BCOR: variants seen among roughly 807,000 people sequenced by gnomAD.
BCOR encodes BCL6 corepressor.
In BCOR, 10 loss-of-function variants were observed where a neutral mutation model predicts 86.7. The ratio of observed to expected loss-of-function variants is 0.12; its 90% CI spans 0.07 to 0.20. The LOEUF (loss-of-function observed/expected upper bound fraction) is 0.20, where lower values mean the gene tolerates loss of function less well. BCOR is among the 10% of genes least tolerant of loss of function. BCOR has a pLI of 1.00. For missense variants in BCOR, 1,259 were observed against 1,452.1 expected (o/e 0.87, Z 2.16); for synonymous variants, 611 against 609.0 (o/e 1.00, Z -0.05).
Position 40,074,881 on chromosome X carries a change from T to C in BCOR, c.465A>G (p.Ile155Met), listed in dbSNP as rs776681777. The change falls in exon 4 of 15, where the codon ATA becomes ATG. Residue 155 changes from isoleucine (I) to methionine (M), a missense_variant. Physicochemically the swap from Ile to Met is conservative, Grantham distance 10. Transcript: ENST00000378444. ...FSAIYKTPPGIQKSAVATAEA... is the reference protein window; with the variant it reads ...FSAIYKTPPGMQKSAVATAEA... ...CTGCTGTGGCTACAGCACTTTTTTG[T>C]ATTCCAGGCGGTGTTTTGTATATAG... 13 of 1,211,254 alleles carry C rather than the reference T, an allele frequency of 1.1e-5. No homozygotes were observed. Among genetic ancestry groups the C allele is most frequent in the Non-Finnish European group, 1.2e-5 (11 of 895,402 alleles).
chrX:40,156,189 TG>T (rs773367186), intron 1 of BCOR, among the ~76,000 whole-genome samples: 2 of 112,244 alleles, frequency 1.8e-5, no homozygotes. Context: ...GGCGATGGGT[TG>T]GGGGGAAGGG....
intron 1 of BCOR, among the ~76,000 whole-genome samples, chrX:40,086,582 T>C (rs778593566): frequency 8.8e-6 from 1 of 113,441 alleles, no homozygotes; most frequent in Non-Finnish European, 1.9e-5. Flanking sequence ...GCCGTGGAGC[T>C]TTCTCTCATC....
chrX:40,132,027 T>C (rs1937608079), intron 1 of BCOR, among the ~76,000 whole-genome samples: 2 of 112,118 alleles, frequency 1.8e-5, no homozygotes, highest in South Asian at 3.7e-4. Context: ...GAAGAAGCCA[T>C]GCAGCTTGCT....
intron 1 of BCOR, among the ~76,000 whole-genome samples, chrX:40,103,245 G>A (rs762910139): frequency 2.7e-5 from 3 of 112,068 alleles, no homozygotes; most frequent in Non-Finnish European, 3.8e-5. Context: ...ACGACTGAGA[G>A]GGAGGAGATC....
chrX:40,106,264 G>C (rs1937182037), intron 1 of BCOR, among the ~76,000 whole-genome samples: 1 of 110,001 alleles, frequency 9.1e-6, no homozygotes, highest in Non-Finnish European at 1.9e-5. Context: ...TTTTGCCAGC[G>C]GGAGCCGAGC....
intron 1 of BCOR, among the ~76,000 whole-genome samples, chrX:40,136,990 A>T (rs1393048421): frequency 9.0e-6 from 1 of 111,628 alleles, no homozygotes; most frequent in Admixed American, 9.6e-5. Context: ...AATATAACCA[A>T]GACGCAGCTA....
chrX:40,129,461 C>G (rs1284095062), intron 1 of BCOR, among the ~76,000 whole-genome samples: 1 of 101,111 alleles, frequency 9.9e-6, no homozygotes, highest in Non-Finnish European at 2.0e-5. Context: ...TCCAGCCTGG[C>G]GACAGTGAGA....
At chrX:40,055,556 A>G in intron 11 of BCOR, 43 bp from the exon 12 acceptor site, 11 of 1,201,079 alleles carry the variant, frequency 9.2e-6, no homozygotes, top group East Asian at 3.0e-5. Context: ...TGCAAGCCAC[A>G]CTTGCTTATA....
chrX:40,073,630 G>T lies in BCOR; in HGVS notation c.1716C>A (p.Pro572=), dbSNP rs1210903139. 1 of 1,212,338 alleles carries T rather than the reference G, an allele frequency of 8.2e-7. No individual in the cohort carries two copies. The highest frequency in any genetic ancestry group is 1.8e-5 in the South Asian group (1 of 57,051). ...SSAGRPASAS[P]APNANADGTK... is the part of the protein sequence containing the mutation. ...TGCCATCTGCATTGGCATTGGGGGC[G>T]GGTGATGCGGAGGCTGGGCGGCCTG... Residue 572 remains proline (P), a synonymous_variant, in exon 4 of 15, where the codon CCC becomes CCA. Coordinates refer to ENST00000378444, the MANE Select transcript of BCOR (RefSeq NM_001123385.2).
Position 40,071,157 on chromosome X carries a change from A to G in BCOR, c.3054T>C (p.Arg1018=). 1 of 1,200,779 alleles carries G rather than the reference A, an allele frequency of 8.3e-7. No homozygotes were observed. Among genetic ancestry groups the G allele is most frequent in the Non-Finnish European group, 1.1e-6 (1 of 889,022 alleles). The change falls in exon 6 of 15, where the codon CGT becomes CGC. Residue 1018 remains arginine (R), a splice_region_variant and synonymous_variant. Transcript: ENST00000378444. ...ILCLPAAYCE[R]AMMRFSELEM... is the part of the protein sequence containing the mutation. ...CCAACTCTGAGAAGCGCATCATTGC[A>G]CGCTAGAAAGAGAACGGAGATGGAA...
intron 1 of BCOR, among the ~76,000 whole-genome samples, chrX:40,089,401 G>T (rs919255655): frequency 6.3e-5 from 7 of 111,602 alleles, no homozygotes; most frequent in African/African-American, 2.0e-4. Context: ...TTGAAATCCT[G>T]ATTTTCACAT....
At chrX:40,087,362 T>C (rs924475215) in intron 1 of BCOR, among the ~76,000 whole-genome samples, 2 of 113,364 alleles carry the variant, frequency 1.8e-5, no homozygotes, top group Non-Finnish European at 3.7e-5. Flanking sequence ...GGTCCTTAAA[T>C]AGATTTTAAT....
chrX:40,120,674 C>T (rs1239502149), intron 1 of BCOR, among the ~76,000 whole-genome samples: 1 of 111,846 alleles, frequency 8.9e-6, no homozygotes, highest in Admixed American at 9.5e-5. Flanking sequence ...GTGCCAGGTG[C>T]TGCTCCAGGC....
intron 1 of BCOR, among the ~76,000 whole-genome samples, chrX:40,096,491 T>G (rs985910754): frequency 1.2e-4 from 13 of 109,292 alleles, no homozygotes; most frequent in African/African-American, 4.5e-4. Flanking sequence ...TCGGAACCCC[T>G]TGCTCTGCTC....
In BCOR at chrX:40,160,659, C is replaced by CTT. The variant is rs145716696; in HGVS notation, c.-41+16346_-41+16347dup. Among the ~76,000 whole-genome samples, 53 of 81,280 alleles carry CTT rather than the reference C, an allele frequency of 6.5e-4. 2 individuals are homozygous for CTT. Among genetic ancestry groups the CTT allele is most frequent in the African/African-American group, 2.0e-3 (42 of 21,147 alleles). 70.6% of individuals were successfully genotyped at this position (81,280 alleles called of 115,157 possible). A position where few individuals can be genotyped will look rare whatever the true frequency, so the allele number is the denominator to read the frequency against. ...ATTTCTTTCTTCAGATGATCCTCTA[C>CTT]TTTTTTTTTTTTTTTTTTTTTTTAG... On this transcript the variant is annotated intron_variant, in intron 1 of 14. Coordinates refer to the BCOR transcript ENST00000342274.
At chrX:40,177,236 GC>G (rs1241712242) in exon 1 of BCOR, 2 of 111,513 alleles carry the variant, frequency 1.8e-5, no homozygotes, top group African/African-American at 3.3e-5. Flanking sequence ...GTGCAAAGGA[GC>G]CCCCCCGCCT....
At chrX:40,159,720 A>G (rs1938373074) in intron 1 of BCOR, among the ~76,000 whole-genome samples, 1 of 112,382 alleles carries the variant, frequency 8.9e-6, no homozygotes, top group Non-Finnish European at 1.9e-5. Flanking sequence ...TTTAAAGAAA[A>G]TAGGGATTAA....
chrX:40,116,262 C>G (rs1404928458), intron 1 of BCOR, among the ~76,000 whole-genome samples: 1 of 111,704 alleles, frequency 9.0e-6, no homozygotes, highest in Non-Finnish European at 1.9e-5. Context: ...CTTTGGGAGG[C>G]CGAGGCGGGT....
chrX:40,066,388 A>T (rs1935202831), intron 6 of BCOR, among the ~76,000 whole-genome samples: 1 of 110,916 alleles, frequency 9.0e-6, no homozygotes, highest in East Asian at 2.8e-4. Context: ...TGTCTTAACC[A>T]CTCTGGCAGT....
Sources: gnomAD v4.1 joint callset for allele counts (sites outside exome capture counted in the v4.1 genomes callset) on GRCh38, gnomAD v4.1.1 for gene constraint, MANE v1.5 for transcripts, NCBI Gene and HGNC (gene_info 2026-07-23, HGNC 2026-07-21) for gene names.